SMARCA2: variants seen among roughly 807,000 people sequenced by gnomAD.
The protein encoded by SMARCA2 is SWI/SNF-related matrix-associated actin-dependent regulator of chromatin subfamily A member 2.
Under a neutral mutation model 199.8 loss-of-function variants are expected in SMARCA2, and 61 were observed. The ratio of observed to expected loss-of-function variants is 0.31; its 90% CI spans 0.25 to 0.38. The LOEUF (loss-of-function observed/expected upper bound fraction) is 0.38. Ranked by LOEUF, SMARCA2 falls within the 10% of genes least tolerant of loss-of-function variation. SMARCA2 has a pLI of 1.00. For missense variants in SMARCA2, 1,344 were observed against 2,012.2 expected, an observed-to-expected ratio of 0.67 and a Z score of 6.35; for synonymous variants, 935 against 732.0, an observed-to-expected ratio of 1.28 and a Z score of -4.48.
At chr9:2,175,874 T>TTTG (rs1826549342) in intron 29 of SMARCA2, among the ~76,000 whole-genome samples, 1 of 151,010 alleles carries the variant, frequency 6.6e-6, no homozygotes, top group East Asian at 1.9e-4. Context: ...TTTGGGTTTT[T>TTTG]TTTGTTTGTT....
chr9:2,039,781 A>AGCAGCAGCC lies in SMARCA2; in HGVS notation c.679_680insCGCAGCAGC (p.Gln226_Gln227insProGlnGln). The AGCAGCAGCC allele has an allele frequency of 7.7e-7, 1 of 1,298,584 alleles. No individual in the cohort carries two copies. Among genetic ancestry groups the AGCAGCAGCC allele is most frequent in the African/African-American group, 1.6e-5 (1 of 61,814 alleles). The allele number at this position is 1,298,584 out of a possible 1,614,324, so 80.4% of individuals were successfully genotyped here. A position where few individuals can be genotyped will look rare whatever the true frequency, so the allele number is the denominator to read the frequency against. ...CAGCAACAACAGCAGCAGCAACAGC[A>AGCAGCAGCC]GCAGCAGCAGCAGCAGCAGCAGCAG... On this transcript the variant is annotated inframe_insertion, in exon 4 of 34. Transcript: ENST00000349721. The surrounding 1 kb of genome is among the most constrained non-coding windows in gnomAD (Gnocchi z 4.8).
At position 2,182,098 on chromosome 9, in the gene SMARCA2, C is replaced by T. The variant is rs1052543369; in HGVS notation, c.4360-43C>T. On this transcript the variant is annotated intron_variant, in intron 30 of 33. Transcript: ENST00000349721. ...ACTAAGTAATGATCGCTGAATTTTC[C>T]TCTCCCTCTTTTTTTCTCCATTTTC... 11 of 1,244,806 alleles carry T rather than the reference C, an allele frequency of 8.8e-6. 1 individual carries two copies. The Admixed American group carries it at 1.2e-4, about 13-fold the overall frequency. The allele number at this position is 1,244,806 out of a possible 1,614,324, so 77.1% of individuals were successfully genotyped here. A position where few individuals can be genotyped will look rare whatever the true frequency, so the allele number is the denominator to read the frequency against.
chr9:2,116,083 A>T, intron 25 of SMARCA2, 34 bp downstream of exon 25: 1 of 1,477,884 alleles, frequency 6.8e-7, no homozygotes, highest in Non-Finnish European at 9.4e-7. Flanking sequence ...ATGAAATCAA[A>T]CAGTGGCCTT....
intron 29 of SMARCA2, among the ~76,000 whole-genome samples, chr9:2,178,615 T>G (rs1408171968): frequency 6.6e-6 from 1 of 150,980 alleles, no homozygotes; most frequent in Non-Finnish European, 1.5e-5. Flanking sequence ...ACCACCACAT[T>G]TCAAAAGGTG....
chr9:2,160,414 T>C (rs1195641757), intron 27 of SMARCA2: 3 of 550,038 alleles, frequency 5.5e-6, no homozygotes, highest in African/African-American at 1.9e-5. Flanking sequence ...AGAAAACATA[T>C]TTTTTTAAAA....
In SMARCA2 at chr9:2,171,211, T is replaced by C. The variant is rs1452165948; in HGVS notation, c.4253+739T>C. ...GGAGCTCTTATTAATATAAGAGAGA[T>C]AACATTTCTTTCTCCATTTCGGTCA... On this transcript the variant is annotated intron_variant, in intron 29 of 33. Transcript: ENST00000349721. 2.0e-5 allele frequency among the ~76,000 whole-genome samples: 3 copies of C among 152,200 alleles called. 1 individual carries two copies. The highest frequency in any genetic ancestry group is 7.2e-5 in the African/African-American group (3 of 41,446).
intron 1 of SMARCA2, among the ~76,000 whole-genome samples, chr9:2,027,010 A>T (rs752929398): frequency 2.6e-5 from 4 of 152,090 alleles, no homozygotes; most frequent in Admixed American, 1.3e-4. Flanking sequence ...GCTTATGATC[A>T]CTCTGAAGTA....
intron 27 of SMARCA2, chr9:2,158,671 C>T (rs1238987027): frequency 3.0e-6 from 1 of 330,750 alleles, no homozygotes; most frequent in Non-Finnish European, 5.4e-6. Flanking sequence ...TGTGTGTGAC[C>T]CCCCAGCCCC....
rs186484179 is a variant in SMARCA2, at chr9:2,147,674, T to C, written c.3982-14012T>C. On this transcript the variant is annotated intron_variant, in intron 27 of 33. Transcript: ENST00000349721. ...CAGCCTGGCCAACACGGCAAAACCCTGTCTCTACTAAAAATACGAAAATTA... is the reference window on the plus strand; with the variant it reads ...CAGCCTGGCCAACACGGCAAAACCCCGTCTCTACTAAAAATACGAAAATTA... Among the ~76,000 whole-genome samples, 887 of 145,582 alleles carry C rather than the reference T, an allele frequency of 6.1e-3. 4 individuals carry two copies. Among genetic ancestry groups the C allele is most frequent in the Non-Finnish European group, 9.5e-3 (601 of 63,394 alleles).
At chr9:2,021,558 G>A (rs1052475691) in intron 1 of SMARCA2, among the ~76,000 whole-genome samples, 1 of 152,186 alleles carries the variant, frequency 6.6e-6, no homozygotes, top group African/African-American at 2.4e-5. Context: ...ATGTCCAGAA[G>A]GAAAGCCCTC....
chr9:2,124,001 AG>A (rs914635678), intron 27 of SMARCA2, 64 bp downstream of exon 27: 3 of 1,310,788 alleles, frequency 2.3e-6, no homozygotes, highest in Non-Finnish European at 3.2e-6. Flanking sequence ...TGGAGAAACC[AG>A]GGGCCTAGAG....
rs369265928 is a variant in SMARCA2, at chr9:2,192,775, C to G, written c.*36C>G. 21 of 1,491,308 alleles carry G rather than the reference C, an allele frequency of 1.4e-5. No homozygotes were observed. The African/African-American group carries it at 1.7e-4, about 12-fold the overall frequency. The allele number at this position is 1,491,308 out of a possible 1,614,324, so 92.4% of individuals were successfully genotyped here. On this transcript the variant is annotated 3_prime_UTR_variant, in exon 34 of 34. Transcript: ENST00000349721. Reference sequence around the variant, plus strand: ...CCTTTTTCCTTGGTAGAACTGAATTCCTTCCTCCCCTGTCTCATTTCTACC... The same window carrying G: ...CCTTTTTCCTTGGTAGAACTGAATTGCTTCCTCCCCTGTCTCATTTCTACC...
At chr9:2,038,130 A>G (rs1228833522) in intron 3 of SMARCA2, among the ~76,000 whole-genome samples, 1 of 152,224 alleles carries the variant, frequency 6.6e-6, no homozygotes, top group African/African-American at 2.4e-5. Context: ...ACTTATTTTC[A>G]TATAACCAAA....
At chr9:2,129,690 C>G (rs547457336) in intron 27 of SMARCA2, among the ~76,000 whole-genome samples, 1 of 152,274 alleles carries the variant, frequency 6.6e-6, no homozygotes, top group Admixed American at 6.5e-5. Context: ...GGCTCACATC[C>G]CCAACCCTGT....
Position 2,182,136 on chromosome 9 carries a change from A to G in SMARCA2, c.4360-5A>G. 1.3e-6 allele frequency: 2 copies of G among 1,580,954 alleles called. No individual in the cohort carries two copies. Among genetic ancestry groups the G allele is most frequent in the Non-Finnish European group, 8.7e-7 (1 of 1,151,406 alleles). ...TTTCTCCATTTTCTCCAAAATTTCCATCAGGAAAGGATTCGTAATCATAAG... is the reference window on the plus strand; with the variant it reads ...TTTCTCCATTTTCTCCAAAATTTCCGTCAGGAAAGGATTCGTAATCATAAG... On this transcript the variant is annotated splice_region_variant and splice_polypyrimidine_tract_variant and intron_variant, in intron 30 of 33. Transcript: ENST00000349721.
chr9:2,060,998 A>G lies in SMARCA2; in HGVS notation c.1692+12A>G, dbSNP rs773993939. 8.7e-6 allele frequency: 14 copies of G among 1,611,746 alleles called. No individual in the cohort carries two copies. The highest frequency in any genetic ancestry group is 1.3e-5 in the African/African-American group (1 of 74,904). On this transcript the variant is annotated intron_variant, in intron 9 of 33. Transcript: ENST00000349721. ...GGAGGAGGAAGAAGGTGCGTATCCT[A>G]GTGGTGGTGGCTGAGTCCAGGGTGT...
rs1332583528 is a variant in SMARCA2, at chr9:2,169,825, G to C, written c.4200-594G>C. 6.6e-6 allele frequency among the ~76,000 whole-genome samples: 1 copy of C among 152,148 alleles called. No homozygotes were observed. The highest frequency in any genetic ancestry group is 1.9e-4 in the East Asian group (1 of 5,188). On this transcript the variant is annotated intron_variant, in intron 28 of 33. Transcript: ENST00000349721. This position sits in a 1 kb window ranked among gnomAD's most constrained non-coding sequence, Gnocchi z 6.5. The stretch of plus-strand genomic sequence containing the variant: ...CTTGTAGAAGTGCCCAAGACGCCAG[G>C]TGGTGGTTTATTTTCATTTCCCACT...
chr9:2,128,049 C>G (rs1397002157), intron 27 of SMARCA2, among the ~76,000 whole-genome samples: 6 of 152,132 alleles, frequency 3.9e-5, no homozygotes, highest in Non-Finnish European at 5.9e-5. Flanking sequence ...TAGCTGGTCT[C>G]AAGTTAACGT....
intron 27 of SMARCA2, among the ~76,000 whole-genome samples, chr9:2,149,645 G>T (rs573534592): frequency 2.0e-5 from 3 of 151,536 alleles, no homozygotes; most frequent in Non-Finnish European, 3.0e-5. Context: ...CGGGTCCTTC[G>T]CACAACATGT....
Sources: gnomAD v4.1 joint callset for allele counts (sites outside exome capture counted in the v4.1 genomes callset) on GRCh38, gnomAD v4.1.1 for gene constraint, Gnocchi (gnomAD v3.1) non-coding constraint, MANE v1.5 for transcripts, NCBI Gene and HGNC (gene_info 2026-07-23, HGNC 2026-07-21) for gene names.